The following PAX9 variants were observed in gnomAD, a reference collection of about 807,000 sequenced individuals.
PAX9 encodes the protein paired box protein Pax-9.
Under a neutral mutation model 29.1 loss-of-function variants are expected in PAX9, and 6 were observed. The observed-to-expected ratio is 0.21, with a 90% CI of 0.11 to 0.41. The LOEUF (loss-of-function observed/expected upper bound fraction) is 0.41, where lower values mean the gene tolerates loss of function less well. PAX9 is among the 10% of genes least tolerant of loss of function. The pLI is 1.00. For synonymous variants in PAX9, 217 were observed against 211.7 expected, an observed-to-expected ratio of 1.03 and a Z score of -0.22; for missense variants, 443 against 479.1, an observed-to-expected ratio of 0.92 and a Z score of 0.70.
chr14:36,663,669 G>T, intron 2 of PAX9, 146 bp downstream of exon 2: 1 of 1,031,160 alleles, frequency 9.7e-7, no homozygotes, highest in Non-Finnish European at 1.4e-6. Flanking sequence ...CTTCCTAGGG[G>T]GTGTTCTGAT....
At chr14:36,662,732 G>A (rs975303316) in intron 1 of PAX9, 165 bp from the exon 2 acceptor site, 28 of 801,370 alleles carry the variant, frequency 3.5e-5, no homozygotes, top group Non-Finnish European at 4.9e-5. Flanking sequence ...ACGGTTTGGG[G>A]CCGTTCGGCT....
Position 36,676,393 on chromosome 14 carries a change from T to A in PAX9, c.967T>A (p.Phe323Ile). 6 of 1,614,086 alleles carry A rather than the reference T, an allele frequency of 3.7e-6. No homozygotes were observed. The highest frequency in any genetic ancestry group is 4.2e-6 in the Non-Finnish European group (5 of 1,180,014). ...CTGTGACATTCCGGCATCGCTGGCGTTCAAGGGAATGCAGGCAGCCAGAGA... is the reference window on the plus strand; with the variant it reads ...CTGTGACATTCCGGCATCGCTGGCGATCAAGGGAATGCAGGCAGCCAGAGA... The part of the protein sequence containing the change: ...HNCDIPASLA[F>I]KGMQAAREGS... Residue 323 changes from phenylalanine to isoleucine, a missense_variant, in exon 4 of 4, where the codon TTC becomes ATC. Physicochemically the swap from Phe to Ile is conservative, Grantham distance 21. Coordinates refer to ENST00000361487, the MANE Select transcript of PAX9 (RefSeq NM_001372076.1).
chr14:36,671,236 T>A (rs1028403986), intron 3 of PAX9: 2 of 230,940 alleles, frequency 8.7e-6, no homozygotes, highest in Non-Finnish European at 1.8e-5. Context: ...TGCATTTATC[T>A]TCACGATAAA....
chr14:36,670,487 A>C (rs1249561650), intron 3 of PAX9, among the ~76,000 whole-genome samples: 1 of 152,082 alleles, frequency 6.6e-6, no homozygotes, highest in Admixed American at 6.5e-5. Context: ...TTATTTTAAA[A>C]ACTGGCTGTC....
chr14:36,676,888 A>G lies in PAX9; in HGVS notation c.*436A>G. The G allele has an allele frequency of 4.5e-6, 1 of 220,016 alleles. No homozygotes were observed. The highest frequency in any genetic ancestry group is 9.2e-6 in the Non-Finnish European group (1 of 108,442). 13.6% of individuals were successfully genotyped at this position (220,016 alleles called of 1,614,324 possible). On this transcript the variant is annotated 3_prime_UTR_variant, in exon 4 of 4. Transcript: ENST00000361487. ...AATAAAGGAAAATACTTATAGAAAA[A>G]ATTATGCTACACCCTCTAATCAAAT...
chr14:36,658,350 G>T (rs1881112251), upstream of PAX9, among the ~76,000 whole-genome samples: 1 of 150,648 alleles, frequency 6.6e-6, no homozygotes. Flanking sequence ...ACAAGAGGCG[G>T]GCACCGTCGC....
upstream of PAX9, chr14:36,658,573 G>C (rs8011628): frequency 0.33 from 50,488 of 152,278 alleles, 8,688 homozygotes; most frequent in East Asian, 0.45. Context: ...GGCTTCCGGG[G>C]GTCGGTCCAG....
chr14:36,676,390 G>A lies in PAX9; in HGVS notation c.964G>A (p.Ala322Thr). ...CAACTGTGACATTCCGGCATCGCTG[G>A]CGTTCAAGGGAATGCAGGCAGCCAG... ...PHNCDIPASL[A>T]FKGMQAAREG... Residue 322 changes from alanine to threonine, a missense_variant, in exon 4 of 4, where the codon GCG (alanine) becomes ACG (threonine). Transcript: ENST00000361487. 4 of 1,614,140 alleles carry A rather than the reference G, an allele frequency of 2.5e-6. No individual in the cohort carries two copies. Among genetic ancestry groups the A allele is most frequent in the Non-Finnish European group, 3.4e-6 (4 of 1,180,026 alleles).
rs577150838 is a variant in PAX9 at position 36,678,089 on chromosome 14, G to A, written c.*1637G>A. 1.6e-5 allele frequency: 3 copies of A among 184,726 alleles called. No homozygotes were observed. Among genetic ancestry groups the A allele is most frequent in the Non-Finnish European group, 3.4e-5 (3 of 89,076 alleles). 11.4% of individuals were successfully genotyped at this position (184,726 alleles called of 1,614,324 possible). ...CAATAACTAAAAGAGCACCTCACTGGATATGGATGTTGAAGATGGATTCCC... is the reference window on the plus strand; with the variant it reads ...CAATAACTAAAAGAGCACCTCACTGAATATGGATGTTGAAGATGGATTCCC... On this transcript the variant is annotated 3_prime_UTR_variant, in exon 4 of 4. Transcript: ENST00000361487.
chr14:36,659,296 T>C (rs1566463192), upstream of PAX9, among the ~76,000 whole-genome samples: 1 of 152,162 alleles, frequency 6.6e-6, no homozygotes, highest in Non-Finnish European at 1.5e-5. Flanking sequence ...CAGACCTTAG[T>C]GTTCTCTCTT....
In PAX9 at chr14:36,665,545, A is replaced by G. The variant is rs567937526; in HGVS notation, c.632-917A>G. 7.9e-5 allele frequency among the ~76,000 whole-genome samples: 12 copies of G among 152,304 alleles called. No homozygotes were observed. The South Asian group carries it at 2.5e-3, about 32-fold the overall frequency. On this transcript the variant is annotated intron_variant, in intron 2 of 3. Coordinates refer to ENST00000361487, the MANE Select transcript of PAX9 (RefSeq NM_001372076.1). ...CTATACCTGGTCACTGAAAAATGCC[A>G]ATAATTCAATATTCTCAACCCCAGG...
chr14:36,674,916 C>G (rs772366589), intron 3 of PAX9, among the ~76,000 whole-genome samples: 3 of 152,170 alleles, frequency 2.0e-5, no homozygotes, highest in Non-Finnish European at 4.4e-5. Flanking sequence ...TATTCATTTA[C>G]TCTGCATTGA....
intron 3 of PAX9, 70 bp downstream of exon 3, chr14:36,666,671 A>T: frequency 1.3e-6 from 2 of 1,528,516 alleles, no homozygotes; most frequent in Non-Finnish European, 1.8e-6. Context: ...ACACTTTGTG[A>T]TGGGTCCCTT....
intron 1 of PAX9, 143 bp from the exon 2 acceptor site, chr14:36,662,754 C>T: frequency 1.0e-6 from 1 of 957,186 alleles, no homozygotes; most frequent in South Asian, 1.6e-5. Context: ...TGTTCAGGGA[C>T]CATATGGTTT....
chr14:36,678,323 G>A lies in PAX9; in HGVS notation c.*1871G>A. 1 of 619,420 alleles carries A rather than the reference G, an allele frequency of 1.6e-6. No homozygotes were observed. Among genetic ancestry groups the A allele is most frequent in the Non-Finnish European group, 2.8e-6 (1 of 355,642 alleles). The allele number at this position is 619,420 out of a possible 1,614,324, so 38.4% of individuals were successfully genotyped here. ...TTTCAGACAGCAGATATCTTATAGAGAGCTTTGAACTGCATTTATTTCTAA... is the reference window on the plus strand; with the variant it reads ...TTTCAGACAGCAGATATCTTATAGAAAGCTTTGAACTGCATTTATTTCTAA... On this transcript the variant is annotated 3_prime_UTR_variant, in exon 4 of 4. Coordinates refer to ENST00000361487, the MANE Select transcript of PAX9 (RefSeq NM_001372076.1).
In PAX9 at chr14:36,676,586, C is replaced by A; in HGVS notation, c.*134C>A. The A allele has an allele frequency of 3.0e-6, 3 of 991,068 alleles. No individual in the cohort carries two copies. Among genetic ancestry groups the A allele is most frequent in the Non-Finnish European group, 4.6e-6 (3 of 650,684 alleles). The allele number at this position is 991,068 out of a possible 1,614,324, so 61.4% of individuals were successfully genotyped here. The stretch of plus-strand genomic sequence containing the variant: ...CTTGAAAGCTGGCTGTACGGACTCA[C>A]ATCCTTTGTGCTAATGACACTTACA... On this transcript the variant is annotated 3_prime_UTR_variant, in exon 4 of 4. Coordinates refer to ENST00000361487, the MANE Select transcript of PAX9 (RefSeq NM_001372076.1).
At chr14:36,669,269 G>A (rs978686845) in intron 3 of PAX9, among the ~76,000 whole-genome samples, 15 of 152,246 alleles carry the variant, frequency 9.9e-5, no homozygotes, top group African/African-American at 2.9e-4. Flanking sequence ...CAAAGGTAAA[G>A]TGTTGCCCAT....
At position 36,679,163 on chromosome 14, in the gene PAX9, A is replaced by C. The variant is rs1427934093; in HGVS notation, c.*2711A>C. On this transcript the variant is annotated 3_prime_UTR_variant, in exon 4 of 4. Coordinates refer to ENST00000361487, the MANE Select transcript of PAX9 (RefSeq NM_001372076.1). ...AGGATAGAATGCAGTTGTGCAACAGAGACACATTCTTATTTCTTTTTTTTC... is the reference window on the plus strand; with the variant it reads ...AGGATAGAATGCAGTTGTGCAACAGCGACACATTCTTATTTCTTTTTTTTC... The C allele has an allele frequency of 1.0e-6, 1 of 985,252 alleles. No individual in the cohort carries two copies. The highest frequency in any genetic ancestry group is 1.2e-6 in the Non-Finnish European group (1 of 829,902). 61.0% of individuals were successfully genotyped at this position (985,252 alleles called of 1,614,324 possible).
At chr14:36,672,304 C>T (rs1881714386) in intron 3 of PAX9, among the ~76,000 whole-genome samples, 1 of 151,000 alleles carries the variant, frequency 6.6e-6, no homozygotes, top group Non-Finnish European at 1.5e-5. Flanking sequence ...AGTCTCTACT[C>T]AGCCTAACTA....
Sources: allele counts gnomAD v4.1 joint callset (sites outside exome capture counted in the v4.1 genomes callset), GRCh38; gene constraint gnomAD v4.1.1; transcripts MANE v1.5; gene names NCBI Gene and HGNC (gene_info 2026-07-23, HGNC 2026-07-21).